SRPK2: variants seen among roughly 807,000 people sequenced by gnomAD.
SRPK2 encodes SRSF protein kinase 2, also known as SFRS protein kinase 2.
A neutral mutation model predicts 90.8 loss-of-function variants in SRPK2; 21 were observed. The ratio of observed to expected loss-of-function variants is 0.23; its 90% CI spans 0.16 to 0.33. The LOEUF is 0.33. Among genes scored for constraint, SRPK2 ranks in the 10% least tolerant of loss-of-function variants. SRPK2 has a pLI of 1.00. For synonymous variants in SRPK2, 288 were observed against 311.1 expected (o/e 0.93, Z 0.78); for missense variants, 620 against 869.0 (o/e 0.71, Z 3.60).
At chr7:105,137,671 C>G (rs1455715819) in intron 11 of SRPK2, among the ~76,000 whole-genome samples, 3 of 152,198 alleles carry the variant, frequency 2.0e-5, no homozygotes, top group Non-Finnish European at 4.4e-5. Context: ...GAGGGACCAT[C>G]CTCTTCTCAA....
At chr7:105,149,752 A>G (rs1023978637) in intron 7 of SRPK2, among the ~76,000 whole-genome samples, 16 of 152,236 alleles carry the variant, frequency 1.1e-4, no homozygotes, top group Non-Finnish European at 1.5e-5. Context: ...TACTGTTAGT[A>G]GAAGTTAAAG....
chr7:105,146,082 T>C (rs758521863), intron 8 of SRPK2, among the ~76,000 whole-genome samples: 14 of 152,164 alleles, frequency 9.2e-5, no homozygotes, highest in Non-Finnish European at 1.9e-4. Context: ...ACTCCAAATC[T>C]GTTGATACAA....
chr7:105,174,862 G>A (rs1303979437), intron 3 of SRPK2, among the ~76,000 whole-genome samples: 6 of 152,114 alleles, frequency 3.9e-5, no homozygotes, highest in African/African-American at 1.2e-4. Flanking sequence ...AAGAGGATTC[G>A]GCTGGGCATG....
At chr7:105,380,168 G>A (rs112523359) in intron 2 of SRPK2, among the ~76,000 whole-genome samples, 16 of 152,188 alleles carry the variant, frequency 1.1e-4, no homozygotes, top group African/African-American at 3.4e-4. Flanking sequence ...GTTTCACTGC[G>A]TCGCCCAGGC....
At chr7:105,192,599 T>C (rs1794440096) in intron 3 of SRPK2, among the ~76,000 whole-genome samples, 1 of 152,234 alleles carries the variant, frequency 6.6e-6, no homozygotes, top group African/African-American at 2.4e-5. Context: ...TAGTTCTACT[T>C]TTAGTTCTTT....
chr7:105,138,755 C>T (rs547004361), intron 11 of SRPK2, among the ~76,000 whole-genome samples: 79 of 152,238 alleles, frequency 5.2e-4, no homozygotes, highest in South Asian at 2.9e-3. Context: ...ACCGAGATCA[C>T]GCCACTGCAC....
At chr7:105,331,102 C>G (rs1003309885) in intron 2 of SRPK2, among the ~76,000 whole-genome samples, 27 of 151,746 alleles carry the variant, frequency 1.8e-4, no homozygotes, top group Non-Finnish European at 2.6e-4. Flanking sequence ...AGGAGTTTGA[C>G]AACAGCCTGA....
chr7:105,379,736 T>C (rs1016499220), intron 2 of SRPK2, among the ~76,000 whole-genome samples: 1 of 152,148 alleles, frequency 6.6e-6, no homozygotes, highest in African/African-American at 2.4e-5. Context: ...CCCAGCACTT[T>C]GGGAAGCCGA....
At chr7:105,347,308 G>A (rs190137959) in intron 2 of SRPK2, among the ~76,000 whole-genome samples, 4 of 151,828 alleles carry the variant, frequency 2.6e-5, no homozygotes, top group East Asian at 2.0e-4. Context: ...GCAATCCTCC[G>A]GCTTCAGTCT....
intron 13 of SRPK2, among the ~76,000 whole-genome samples, chr7:105,127,634 A>T (rs1801392513): frequency 6.6e-6 from 1 of 152,222 alleles, no homozygotes; most frequent in Non-Finnish European, 1.5e-5. Context: ...GAGGAAGCAG[A>T]TGGTCTTGCA....
chr7:105,361,310 C>G (rs1818394754), intron 2 of SRPK2, among the ~76,000 whole-genome samples: 1 of 152,086 alleles, frequency 6.6e-6, no homozygotes, highest in Non-Finnish European at 1.5e-5. Flanking sequence ...AACCACTGCT[C>G]AATGAAATAA....
At chr7:105,292,233 G>A (rs887065053) in intron 2 of SRPK2, among the ~76,000 whole-genome samples, 2 of 152,126 alleles carry the variant, frequency 1.3e-5, no homozygotes, top group African/African-American at 4.8e-5. Flanking sequence ...TAGGCTGGGT[G>A]TGGTGGCTCA....
downstream of SRPK2, among the ~76,000 whole-genome samples, chr7:105,114,899 A>G (rs1251168028): frequency 6.6e-6 from 1 of 152,208 alleles, no homozygotes; most frequent in Non-Finnish European, 1.5e-5. Flanking sequence ...ACAAAATTCT[A>G]TTTATGGTAT....
At chr7:105,333,126 G>A (rs546907986) in intron 2 of SRPK2, among the ~76,000 whole-genome samples, 47 of 152,208 alleles carry the variant, frequency 3.1e-4, no homozygotes, top group African/African-American at 1.1e-3. Flanking sequence ...CCCGGGTGGC[G>A]GAGGTTGCAG....
At chr7:105,224,071 C>A (rs1798422580) in intron 2 of SRPK2, among the ~76,000 whole-genome samples, 1 of 152,110 alleles carries the variant, frequency 6.6e-6, no homozygotes, top group South Asian at 2.1e-4. Flanking sequence ...ATTGTTCCAG[C>A]AATTATTTAT....
chr7:105,263,470 TAC>T (rs1804611156), intron 2 of SRPK2, among the ~76,000 whole-genome samples: 1 of 152,138 alleles, frequency 6.6e-6, no homozygotes. Flanking sequence ...TAATTACAAC[TAC>T]ACACAACAAT....
At chr7:105,394,643 A>G (rs867073921) in intron 1 of SRPK2, among the ~76,000 whole-genome samples, 1 of 152,368 alleles carries the variant, frequency 6.6e-6, no homozygotes, top group East Asian at 1.9e-4. Flanking sequence ...TGGGAGATAC[A>G]TCGCCAATCT....
Position 105,116,610 on chromosome 7 carries a change from A to G in SRPK2, c.*1228T>C, listed in dbSNP as rs1799651363. 1 of 152,658 alleles carries G rather than the reference A, an allele frequency of 6.6e-6. No homozygotes were observed. Among genetic ancestry groups the G allele is most frequent in the African/African-American group, 2.4e-5 (1 of 41,466 alleles). 9.5% of individuals were successfully genotyped at this position (152,658 alleles called of 1,614,324 possible). ...GAGGCTAAATATACCTCTATATATT[A>G]CATTCTAAAATTGTATTGCCTACTA... On this transcript the variant is annotated 3_prime_UTR_variant, in exon 16 of 16. Transcript: ENST00000393651.
intron 2 of SRPK2, among the ~76,000 whole-genome samples, chr7:105,379,931 T>C (rs529668404): frequency 1.3e-5 from 2 of 152,066 alleles, no homozygotes; most frequent in South Asian, 4.1e-4. Context: ...TGAGCTGAGA[T>C]AGCGCCACTG....
Sources: allele counts gnomAD v4.1 joint callset (sites outside exome capture counted in the v4.1 genomes callset), GRCh38; gene constraint gnomAD v4.1.1; transcripts MANE v1.5; gene names NCBI Gene and HGNC (gene_info 2026-07-23, HGNC 2026-07-21).